CNTN4: variants seen among roughly 807,000 people sequenced by gnomAD.
The protein encoded by CNTN4 is contactin-4.
CNTN4 carries 77 observed loss-of-function variants against 122.5 expected under a neutral mutation model. The observed-to-expected ratio is 0.63, with a 90% CI of 0.52 to 0.76. The LOEUF is 0.76. CNTN4 is among the 30% of genes least tolerant of loss of function. CNTN4 has a pLI of 0.00. For synonymous variants in CNTN4, 512 were observed against 447.0 expected, an observed-to-expected ratio of 1.15 and a Z score of -1.83; for missense variants, 1,256 against 1,259.1, an observed-to-expected ratio of 1.00 and a Z score of 0.04.
intron 14 of CNTN4, among the ~76,000 whole-genome samples, chr3:3,020,701 G>A (rs368792523): frequency 2.0e-4 from 30 of 152,312 alleles, no homozygotes; most frequent in African/African-American, 7.2e-4. Flanking sequence ...GAATATGCCT[G>A]TTTGTAGTTA....
chr3:2,369,771 T>C (rs2045559848), intron 3 of CNTN4, among the ~76,000 whole-genome samples: 1 of 152,106 alleles, frequency 6.6e-6, no homozygotes, highest in Non-Finnish European at 1.5e-5. Context: ...ACAAAACTTG[T>C]CAGAAAGTTA....
chr3:2,438,392 C>T (rs1453494392), intron 3 of CNTN4, among the ~76,000 whole-genome samples: 1 of 152,026 alleles, frequency 6.6e-6, no homozygotes, highest in Non-Finnish European at 1.5e-5. Context: ...CATGGCGGTG[C>T]GTGCCTGTAA....
intron 4 of CNTN4, among the ~76,000 whole-genome samples, chr3:2,618,254 TATGGA>T (rs1559310668): frequency 6.6e-6 from 1 of 151,986 alleles, no homozygotes; most frequent in Non-Finnish European, 1.5e-5. Context: ...TATATATATA[TATGGA>T]ATATGCATGT....
At chr3:2,311,349 T>C (rs1559441773) in intron 2 of CNTN4, among the ~76,000 whole-genome samples, 1 of 152,128 alleles carries the variant, frequency 6.6e-6, no homozygotes, top group South Asian at 2.1e-4. Flanking sequence ...TGTAATTTTA[T>C]ATTGATTTTA....
intron 2 of CNTN4, among the ~76,000 whole-genome samples, chr3:2,316,266 T>C (rs989832776): frequency 1.3e-5 from 2 of 152,090 alleles, no homozygotes; most frequent in African/African-American, 2.4e-5. Context: ...TTGATCTCTA[T>C]ATATTAATTC....
In CNTN4 at chr3:2,172,713, G is replaced by C. The variant is rs752717304; in HGVS notation, c.-145+72074G>C. Among the ~76,000 whole-genome samples, 15 of 152,176 alleles carry C rather than the reference G, an allele frequency of 9.9e-5. No individual in the cohort carries two copies. In the South Asian group the frequency reaches 1.7e-3, roughly 17 times the overall value. On this transcript the variant is annotated intron_variant, in intron 2 of 24. Coordinates refer to ENST00000418658, the MANE Select transcript of CNTN4 (RefSeq NM_175607.3). The stretch of plus-strand genomic sequence containing the variant: ...GTGGTTGATGTCCATCAGGACAACT[G>C]CTCTAGCTGCAGTGTATAGCAGATT...
intron 7 of CNTN4, among the ~76,000 whole-genome samples, chr3:2,844,154 CCTT>C (rs2150554217): frequency 6.6e-6 from 1 of 152,276 alleles, no homozygotes; most frequent in East Asian, 1.9e-4. Flanking sequence ...TGGCTTGCAA[CCTT>C]CTTTCATTTC....
intron 14 of CNTN4, among the ~76,000 whole-genome samples, chr3:2,990,947 G>A (rs1367404727): frequency 6.6e-6 from 1 of 151,972 alleles, no homozygotes; most frequent in African/African-American, 2.4e-5. Context: ...TCCACTAACG[G>A]CAATAATAAC....
chr3:2,775,143 G>GCTTT (rs2091264613), intron 6 of CNTN4, among the ~76,000 whole-genome samples: 1 of 152,212 alleles, frequency 6.6e-6, no homozygotes, highest in African/African-American at 2.4e-5. Context: ...TGATCCATAT[G>GCTTT]CTTTGTACAG....
At chr3:2,375,088 A>G (rs1197379306) in intron 3 of CNTN4, among the ~76,000 whole-genome samples, 2 of 152,236 alleles carry the variant, frequency 1.3e-5, no homozygotes, top group Admixed American at 6.5e-5. Flanking sequence ...GCTTCAGTCA[A>G]AAAAGGTTTT....
intron 2 of CNTN4, among the ~76,000 whole-genome samples, chr3:2,229,136 T>C (rs2039393152): frequency 6.6e-6 from 1 of 152,190 alleles, no homozygotes; most frequent in African/African-American, 2.4e-5. Context: ...TTGGCTAAGA[T>C]GATGGTTGTT....
intron 2 of CNTN4, among the ~76,000 whole-genome samples, chr3:2,287,681 AGAAGAAGAAGAG>A (rs1559415594): frequency 0.027 from 2,498 of 92,184 alleles, 30 homozygotes; most frequent in African/African-American, 0.035. Flanking sequence ...AAGAAGAAGA[AGAAGAAGAAGAG>A]GAAGAAGAAG....
intron 2 of CNTN4, among the ~76,000 whole-genome samples, chr3:2,313,779 A>T (rs1193784938): frequency 6.6e-6 from 1 of 152,006 alleles, no homozygotes; most frequent in East Asian, 1.9e-4. Context: ...CTAAGACAAT[A>T]TAGTACTTAA....
chr3:2,526,135 T>C (rs978789637), intron 3 of CNTN4, among the ~76,000 whole-genome samples: 1 of 152,130 alleles, frequency 6.6e-6, no homozygotes, highest in Non-Finnish European at 1.5e-5. Flanking sequence ...TACCCATCCC[T>C]GGCACTATGG....
intron 2 of CNTN4, among the ~76,000 whole-genome samples, chr3:2,325,602 G>A (rs1311481478): frequency 6.6e-6 from 1 of 152,086 alleles, no homozygotes; most frequent in Non-Finnish European, 1.5e-5. Flanking sequence ...CCCTCCAGTG[G>A]ATGTTCACAA....
At chr3:2,116,574 G>A (rs527885863) in intron 2 of CNTN4, among the ~76,000 whole-genome samples, 1 of 152,244 alleles carries the variant, frequency 6.6e-6, no homozygotes, top group East Asian at 1.9e-4. Flanking sequence ...GCTAAAGCAT[G>A]TTCTGTGGAA....
intron 2 of CNTN4, among the ~76,000 whole-genome samples, chr3:2,279,357 G>A (rs1423513816): frequency 4.6e-5 from 7 of 152,100 alleles, no homozygotes; most frequent in African/African-American, 1.7e-4. Context: ...GGGATATAAT[G>A]CAAGATATAA....
At chr3:2,909,643 G>A (rs1335421622) in intron 12 of CNTN4, among the ~76,000 whole-genome samples, 1 of 152,098 alleles carries the variant, frequency 6.6e-6, no homozygotes, top group South Asian at 2.1e-4. Context: ...GTGTGATTCC[G>A]AAGAACAACA....
At chr3:2,235,341 A>C (rs1217728265) in intron 2 of CNTN4, among the ~76,000 whole-genome samples, 1 of 152,208 alleles carries the variant, frequency 6.6e-6, no homozygotes, top group Non-Finnish European at 1.5e-5. Flanking sequence ...ACTTTGATAC[A>C]GTTACAAACA....
Sources: gnomAD v4.1 joint callset for allele counts (sites outside exome capture counted in the v4.1 genomes callset) on GRCh38, gnomAD v4.1.1 for gene constraint, MANE v1.5 for transcripts, NCBI Gene and HGNC (gene_info 2026-07-23, HGNC 2026-07-21) for gene names.